The following RPS6KA2 variants were observed in gnomAD, a reference collection of about 807,000 sequenced individuals.
RPS6KA2 encodes the protein ribosomal protein S6 kinase A2.
A neutral mutation model predicts 91.8 loss-of-function variants in RPS6KA2; 42 were observed. That is an observed-to-expected ratio of 0.46 (90% CI 0.36 to 0.59). RPS6KA2 has a LOEUF of 0.59. Among genes scored for constraint, RPS6KA2 ranks in the 20% least tolerant of loss-of-function variants. RPS6KA2 has a pLI of 0.00. For missense variants in RPS6KA2, 798 were observed against 978.5 expected, an observed-to-expected ratio of 0.82 and a Z score of 2.46; for synonymous variants, 414 against 393.6, an observed-to-expected ratio of 1.05 and a Z score of -0.61.
In RPS6KA2 at chr6:166,534,380, T is replaced by C. The variant is rs1783413475; in HGVS notation, c.217-3067A>G. Among the ~76,000 whole-genome samples, 6 of 152,262 alleles carry C rather than the reference T, an allele frequency of 3.9e-5. No homozygotes were observed. In the South Asian group the frequency reaches 1.2e-3, roughly 32 times the overall value. Reference sequence around the variant, plus strand: ...AAACAACAAGCTCCCTCTTTCAAAATGGGAGGACCCTGAAGAAAAAGGAAG... The same window carrying C: ...AAACAACAAGCTCCCTCTTTCAAAACGGGAGGACCCTGAAGAAAAAGGAAG... On this transcript the variant is annotated intron_variant, in intron 2 of 20. Transcript: ENST00000265678.
In RPS6KA2 at chr6:166,639,638, G is replaced by A. The variant is rs945870012; in HGVS notation, c.124-100854C>T. Among the ~76,000 whole-genome samples, 5 of 152,010 alleles carry A rather than the reference G, an allele frequency of 3.3e-5. No homozygotes were observed. The highest frequency in any genetic ancestry group is 9.7e-5 in the African/African-American group (4 of 41,354). On this transcript the variant is annotated intron_variant, in intron 2 of 21. Coordinates refer to the RPS6KA2 transcript ENST00000503859. This position sits in a 1 kb window ranked among gnomAD's most constrained non-coding sequence, Gnocchi z 4.2. ...AGGGTGCAGTCTCTGCTCCTGCCCC[G>A]CTGACTTACTCCTAAGAAGATGAAC...
chr6:166,566,248 G>A (rs571526488), intron 1 of RPS6KA2, among the ~76,000 whole-genome samples: 6 of 152,330 alleles, frequency 3.9e-5, no homozygotes, highest in African/African-American at 1.4e-4. Flanking sequence ...ACCACATGGG[G>A]AAGAGCCTAC....
intron 2 of RPS6KA2, among the ~76,000 whole-genome samples, chr6:166,727,746 T>A (rs1315331927): frequency 6.6e-6 from 1 of 152,022 alleles, no homozygotes; most frequent in Non-Finnish European, 1.5e-5. Flanking sequence ...ATCAGCAACC[T>A]AATGTGGCCC....
chr6:166,575,950 G>T (rs551650161), intron 1 of RPS6KA2, among the ~76,000 whole-genome samples: 4 of 152,342 alleles, frequency 2.6e-5, no homozygotes, highest in African/African-American at 7.2e-5. Context: ...ATCTTGAATT[G>T]TACTCCCATA....
At chr6:166,484,546 G>A (rs1781342182) in intron 10 of RPS6KA2, among the ~76,000 whole-genome samples, 1 of 152,242 alleles carries the variant, frequency 6.6e-6, no homozygotes, top group African/African-American at 2.4e-5. Flanking sequence ...GACAGAGGCA[G>A]CTGGCCTCAT....
intron 2 of RPS6KA2, among the ~76,000 whole-genome samples, chr6:166,534,739 T>C (rs951413020): frequency 4.6e-5 from 7 of 152,348 alleles, no homozygotes; most frequent in Middle Eastern, 3.4e-3. Flanking sequence ...GAGAGAACCA[T>C]ACTTTTGCTT....
Position 166,648,169 on chromosome 6 carries a change from C to T in RPS6KA2, c.124-109385G>A, listed in dbSNP as rs1410247040. On this transcript the variant is annotated intron_variant, in intron 2 of 21. Coordinates refer to the RPS6KA2 transcript ENST00000503859. The surrounding 1 kb of genome is among the most constrained non-coding windows in gnomAD (Gnocchi z 4.8). ...GCACATGGTTACACACCCATGCACA[C>T]ATGCTCACACACATGCACACATGCT... Among the ~76,000 whole-genome samples, 3 of 148,002 alleles carry T rather than the reference C, an allele frequency of 2.0e-5. No individual in the cohort carries two copies. Among genetic ancestry groups the T allele is most frequent in the African/African-American group, 7.4e-5 (3 of 40,484 alleles).
At chr6:166,417,619 A>G (rs9366011) in intron 19 of RPS6KA2, among the ~76,000 whole-genome samples, 2 of 94,384 alleles carry the variant, frequency 2.1e-5, no homozygotes, top group South Asian at 1.1e-3. Context: ...CTCTCTCTCT[A>G]TACACACACA....
intron 2 of RPS6KA2, among the ~76,000 whole-genome samples, chr6:166,745,792 T>C (rs114144070): frequency 4.7e-4 from 72 of 152,320 alleles, no homozygotes; most frequent in African/African-American, 1.4e-3. Flanking sequence ...CTCTCAGGCC[T>C]GCCACAACTC....
At position 166,836,273 on chromosome 6, in the gene RPS6KA2, C is replaced by T. The variant is rs576566455; in HGVS notation, c.123+21927G>A. Among the ~76,000 whole-genome samples the T allele has an allele frequency of 1.2e-3, 178 of 152,128 alleles. 1 individual carries two copies. Among genetic ancestry groups the T allele is most frequent in the Middle Eastern group, 6.8e-3 (2 of 294 alleles). On this transcript the variant is annotated intron_variant, in intron 2 of 21. Coordinates refer to the RPS6KA2 transcript ENST00000503859. The stretch of plus-strand genomic sequence containing the variant: ...GGGGTAATTTTGGCTTCATAAAATA[C>T]TTCCTCCTCTTTTATTTTCTGGACA...
rs143777268 is a variant in RPS6KA2 at position 166,680,430 on chromosome 6, A to G, written c.124-141646T>C. ...AAAAGCAGGCCGCCCCAGCCAGGAGACCTACCTGCTCTGGTCCCCTTCCAC... is the reference window on the plus strand; with the variant it reads ...AAAAGCAGGCCGCCCCAGCCAGGAGGCCTACCTGCTCTGGTCCCCTTCCAC... On this transcript the variant is annotated intron_variant, in intron 2 of 21. Coordinates refer to the RPS6KA2 transcript ENST00000503859. 4.3e-3 allele frequency among the ~76,000 whole-genome samples: 650 copies of G among 152,254 alleles called. 4 individuals are homozygous for G. The highest frequency in any genetic ancestry group is 0.015 in the African/African-American group (623 of 41,544).
rs940289403 is a variant in RPS6KA2, at chr6:166,495,847, C to T, written c.747+2661G>A. Among the ~76,000 whole-genome samples the T allele has an allele frequency of 6.6e-6, 1 of 152,206 alleles. No individual in the cohort carries two copies. Among genetic ancestry groups the T allele is most frequent in the African/African-American group, 2.4e-5 (1 of 41,440 alleles). ...CAACCCGGCCAGGGTCAGCAAAGGC[C>T]ACTGGGAGTGGTGCTTCTGTCTTAG... On this transcript the variant is annotated intron_variant, in intron 8 of 20. Transcript: ENST00000265678. This position sits in a 1 kb window ranked among gnomAD's most constrained non-coding sequence, Gnocchi z 4.4.
At position 166,840,579 on chromosome 6, in the gene RPS6KA2, C is replaced by T. The variant is rs527846153; in HGVS notation, c.123+17621G>A. Among the ~76,000 whole-genome samples the T allele has an allele frequency of 2.6e-5, 4 of 152,322 alleles. No homozygotes were observed. The South Asian group carries it at 6.2e-4, about 24-fold the overall frequency. On this transcript the variant is annotated intron_variant, in intron 2 of 21. Coordinates refer to the RPS6KA2 transcript ENST00000503859. ...CACTCTGAGGATATGCAATGCTAGA[C>T]AGCACGTCCTTACTGTAACAAAATG...
rs572273136 is a variant in RPS6KA2 at position 166,498,535 on chromosome 6, G to T, written c.720C>A (p.Ala240=). 5.0e-6 allele frequency: 8 copies of T among 1,612,636 alleles called. No homozygotes were observed. The Middle Eastern group carries it at 5.0e-4, about 100-fold the overall frequency. ...VVNRRGHTQS[A]DWWSFGVLMF... Reference sequence around the variant, plus strand: ...TGAGCACGCCGAAGGACCACCAGTCGGCACTCTGCGTGTGTCCTCGCCGGT... The same window carrying T: ...TGAGCACGCCGAAGGACCACCAGTCTGCACTCTGCGTGTGTCCTCGCCGGT... Residue 240 remains alanine (A), a synonymous_variant, in exon 8 of 21, where the codon GCC becomes GCA. Coordinates refer to ENST00000265678, the MANE Select transcript of RPS6KA2 (RefSeq NM_021135.6).
intron 1 of RPS6KA2, among the ~76,000 whole-genome samples, chr6:166,623,590 A>G (rs1786725790): frequency 6.6e-6 from 1 of 152,258 alleles, no homozygotes. Context: ...CAAATGGGCC[A>G]GTGTCCCCTT....
chr6:166,419,861 C>T lies in RPS6KA2; in HGVS notation c.1820+21G>A. ...GCTGCCCTGTGTCTCCTCCTGACAC[C>T]TGTTTGAGGTGACTGCTTACCCTGC... is the stretch of plus-strand genomic sequence containing the variant. On this transcript the variant is annotated intron_variant, in intron 18 of 20. Coordinates refer to ENST00000265678, the MANE Select transcript of RPS6KA2 (RefSeq NM_021135.6). This position sits in a 1 kb window ranked among gnomAD's most constrained non-coding sequence, Gnocchi z 5.6. 3 of 1,607,448 alleles carry T rather than the reference C, an allele frequency of 1.9e-6. No homozygotes were observed. The highest frequency in any genetic ancestry group is 2.6e-6 in the Non-Finnish European group (3 of 1,174,108).
intron 10 of RPS6KA2, 32 bp downstream of exon 10, chr6:166,488,801 T>C (rs1408973623): frequency 1.3e-6 from 2 of 1,566,808 alleles, no homozygotes; most frequent in African/African-American, 2.7e-5. Flanking sequence ...GCCCTGCACG[T>C]TCCCGTGGTG....
At chr6:166,481,143 A>G (rs1409941745) in intron 10 of RPS6KA2, among the ~76,000 whole-genome samples, 1 of 152,246 alleles carries the variant, frequency 6.6e-6, no homozygotes, top group Non-Finnish European at 1.5e-5. Context: ...TCCATATTAA[A>G]GTATAAAAGA....
intron 2 of RPS6KA2, among the ~76,000 whole-genome samples, chr6:166,743,458 T>G (rs971492225): frequency 6.6e-6 from 1 of 152,072 alleles, no homozygotes; most frequent in African/African-American, 2.4e-5. Context: ...TTTTAATGAG[T>G]GTGGAACATG....
Sources: allele counts gnomAD v4.1 joint callset (sites outside exome capture counted in the v4.1 genomes callset), GRCh38; gene constraint gnomAD v4.1.1; non-coding constraint Gnocchi (gnomAD v3.1); transcripts MANE v1.5; gene names NCBI Gene and HGNC (gene_info 2026-07-23, HGNC 2026-07-21).